The following SSTR5 variants were observed in gnomAD, a reference collection of about 807,000 sequenced individuals.
The protein encoded by SSTR5 is somatostatin receptor type 5.
In SSTR5, 1 loss-of-function variant was observed where a neutral mutation model predicts 0.3. The ratio of observed to expected loss-of-function variants is 2.98; its 90% CI spans 1.06 to 14.15. SSTR5 has a LOEUF of 14.15. Ranked by LOEUF, SSTR5 falls within the 30% of genes most tolerant of loss-of-function variation. The pLI, the probability that SSTR5 is intolerant of heterozygous loss-of-function variation, is 0.12. For synonymous variants in SSTR5, 256 were observed against 263.1 expected (o/e 0.97, Z 0.26); for missense variants, 516 against 543.2 (o/e 0.95, Z 0.50).
At position 1,078,983 on chromosome 16, in the gene SSTR5, C is replaced by A; in HGVS notation, c.115C>A (p.Arg39=). The A allele has an allele frequency of 6.3e-7, 1 of 1,590,072 alleles. No homozygotes were observed. The highest frequency in any genetic ancestry group is 8.5e-7 in the Non-Finnish European group (1 of 1,170,482). ...GGGGCCGGCGCCCTCGGCAGGGGCCCGGGCGGTGCTGGTGCCCGTGCTGTA... is the reference window on the plus strand; with the variant it reads ...GGGGCCGGCGCCCTCGGCAGGGGCCAGGGCGGTGCTGGTGCCCGTGCTGTA... ...LVGPAPSAGA[R]AVLVPVLYLL... Residue 39 remains arginine, a synonymous_variant, in exon 2 of 2, where the codon CGG becomes AGG. Transcript: ENST00000689027.
At position 1,078,922 on chromosome 16, in the gene SSTR5, G is replaced by T; in HGVS notation, c.54G>T (p.Gly18=). The T allele has an allele frequency of 6.2e-7, 1 of 1,603,348 alleles. No homozygotes were observed. The highest frequency in any genetic ancestry group is 1.8e-4 in the Middle Eastern group (1 of 5,634). The change falls in exon 2 of 2, where the codon GGG becomes GGT. Residue 18 remains glycine, a synonymous_variant. Coordinates refer to ENST00000689027, the MANE Select transcript of SSTR5 (RefSeq NM_001172560.3). ...STPSWNASSP[G]AASGGGDNRT... The stretch of plus-strand genomic sequence containing the variant: ...CCAGCTGGAACGCCTCCTCCCCGGG[G>T]GCTGCCTCTGGAGGCGGTGACAACA...
intron 1 of SSTR5, among the ~76,000 whole-genome samples, chr16:1,074,329 C>T (rs1960150321): frequency 6.6e-6 from 1 of 152,346 alleles, no homozygotes; most frequent in South Asian, 2.1e-4. Flanking sequence ...GGGCCCCGGC[C>T]GTGTGAGCCG....
Position 1,078,999 on chromosome 16 carries a change from C to T in SSTR5, c.131C>T (p.Pro44Leu). 2.5e-6 allele frequency: 4 copies of T among 1,596,268 alleles called. 1 individual carries two copies. Among genetic ancestry groups the T allele is most frequent in the Middle Eastern group, 1.7e-4 (1 of 6,008 alleles). ...PSAGARAVLV[P>L]VLYLLVCAAG... ...GCAGGGGCCCGGGCGGTGCTGGTGCCCGTGCTGTACCTGCTGGTGTGTGCG... is the reference window on the plus strand; with the variant it reads ...GCAGGGGCCCGGGCGGTGCTGGTGCTCGTGCTGTACCTGCTGGTGTGTGCG... The change falls in exon 2 of 2, where the codon CCC becomes CTC. Residue 44 changes from proline to leucine, a missense_variant. Transcript: ENST00000689027.
At chr16:1,075,138 G>C (rs1960167175) in intron 1 of SSTR5, among the ~76,000 whole-genome samples, 1 of 152,202 alleles carries the variant, frequency 6.6e-6, no homozygotes, top group Admixed American at 6.5e-5. Flanking sequence ...AGAGGATACT[G>C]CTTCCAAATA....
intron 1 of SSTR5, among the ~76,000 whole-genome samples, chr16:1,073,809 G>T (rs113519540): frequency 0.027 from 4,072 of 152,332 alleles, 75 homozygotes; most frequent in South Asian, 0.072. Flanking sequence ...ATGTAGGTGG[G>T]GACTGCCAGA....
At position 1,079,458 on chromosome 16, in the gene SSTR5, G is replaced by A. The variant is rs747864833; in HGVS notation, c.590G>A (p.Trp197Ter). 3 of 1,608,254 alleles carry A rather than the reference G, an allele frequency of 1.9e-6. No individual in the cohort carries two copies. Among genetic ancestry groups the A allele is most frequent in the Middle Eastern group, 1.6e-4 (1 of 6,066 alleles). The part of the protein sequence containing the change: ...NASWPEPVGL[W>*]GAVFIIYTAV... ...AGCTGGCCGGAGCCCGTGGGGCTGTGGGGCGCCGTCTTCATCATCTACACG... is the reference window on the plus strand; with the variant it reads ...AGCTGGCCGGAGCCCGTGGGGCTGTAGGGCGCCGTCTTCATCATCTACACG... Residue 197 changes from tryptophan (W) to a stop codon, truncating the protein, a stop_gained, in exon 2 of 2, where the codon TGG becomes TAG. Coordinates refer to ENST00000689027, the MANE Select transcript of SSTR5 (RefSeq NM_001172560.3). LOFTEE classifies it low-confidence loss of function (END_TRUNC).
rs2151559100 is a variant in SSTR5 at position 1,080,122 on chromosome 16, T to G, written c.*159T>G. The G allele has an allele frequency of 3.1e-6, 3 of 977,220 alleles. No homozygotes were observed. Among genetic ancestry groups the G allele is most frequent in the Non-Finnish European group, 4.5e-6 (3 of 673,700 alleles). 60.5% of individuals were successfully genotyped at this position (977,220 alleles called of 1,614,324 possible). On this transcript the variant is annotated 3_prime_UTR_variant, in exon 2 of 2. Transcript: ENST00000689027. ...GCTGGGGTAGACACAGGGCAGTAGG[T>G]TCCCCACCGTGACCGACCATCCCCT... is the stretch of plus-strand genomic sequence containing the variant.
At chr16:1,078,756 C>CG (rs1960269401) in intron 1 of SSTR5, 86 bp from the exon 2 acceptor site, 1 of 1,346,690 alleles carries the variant, frequency 7.4e-7, no homozygotes, top group South Asian at 1.3e-5. Flanking sequence ...TCCTGGCAGG[C>CG]GGGGCTGGGG....
intron 1 of SSTR5, among the ~76,000 whole-genome samples, chr16:1,074,174 T>C (rs961541286): frequency 6.6e-6 from 1 of 152,200 alleles, no homozygotes; most frequent in African/African-American, 2.4e-5. Flanking sequence ...TCAGAACGCT[T>C]GTCCTGGGAG....
At chr16:1,078,678 A>T in intron 1 of SSTR5, 164 bp from the exon 2 acceptor site, 1 of 697,306 alleles carries the variant, frequency 1.4e-6, no homozygotes, top group African/African-American at 1.8e-5. Flanking sequence ...TTTTCCAAAC[A>T]ATTTGCTTAA....
At chr16:1,075,863 CCT>C (rs1960182516) in intron 1 of SSTR5, among the ~76,000 whole-genome samples, 2 of 127,964 alleles carry the variant, frequency 1.6e-5, no homozygotes, top group African/African-American at 3.0e-5. Context: ...CCTCTCCCTC[CCT>C]CCCTCTCTCC....
rs1311135996 is a variant in SSTR5 at position 1,081,198 on chromosome 16, AAGG to A, written c.*1238_*1240del. On this transcript the variant is annotated 3_prime_UTR_variant, in exon 2 of 2. Coordinates refer to ENST00000689027, the MANE Select transcript of SSTR5 (RefSeq NM_001172560.3). ...CACCTTGGCCTTGCTCTGAGGCTGG[AAGG>A]AGAAGGACCAGGGTGCGGCATCACT... 21 of 461,246 alleles carry A rather than the reference AAGG, an allele frequency of 4.6e-5. No homozygotes were observed. Among genetic ancestry groups the A allele is most frequent in the African/African-American group, 3.8e-4 (19 of 49,518 alleles). The allele number at this position is 461,246 out of a possible 1,614,324, so 28.6% of individuals were successfully genotyped here.
Position 1,074,016 on chromosome 16 carries a change from G to A in SSTR5, c.-28+1194G>A, listed in dbSNP as rs1465918820. Among the ~76,000 whole-genome samples the A allele has an allele frequency of 2.6e-5, 4 of 152,230 alleles. No individual in the cohort carries two copies. In the South Asian group the frequency reaches 8.3e-4, roughly 32 times the overall value. Reference sequence around the variant, plus strand: ...GCCTCAGTTTCCCTCTCCTGGGGAGGGTATGTGCCCCTGGCCACAGGCTGC... The same window carrying A: ...GCCTCAGTTTCCCTCTCCTGGGGAGAGTATGTGCCCCTGGCCACAGGCTGC... On this transcript the variant is annotated intron_variant, in intron 1 of 1. Transcript: ENST00000689027.
intron 1 of SSTR5, among the ~76,000 whole-genome samples, chr16:1,076,589 C>G (rs963595994): frequency 1.3e-5 from 2 of 151,872 alleles, no homozygotes; most frequent in Non-Finnish European, 2.9e-5. Flanking sequence ...TGCTCTCCCC[C>G]TGCCCACCCC....
chr16:1,079,322 C>T lies in SSTR5; in HGVS notation c.454C>T (p.Arg152Cys), dbSNP rs748389375. Reference sequence around the variant, plus strand: ...CCCGCTGAGCTCGGCCCGCTGGCGCCGCCCGCGTGTGGCCAAGCTGGCGAG... The same window carrying T: ...CCCGCTGAGCTCGGCCCGCTGGCGCTGCCCGCGTGTGGCCAAGCTGGCGAG... ...VHPLSSARWR[R>C]PRVAKLASAA... is the part of the protein sequence containing the mutation. The change falls in exon 2 of 2, where the codon CGC becomes TGC. Residue 152 changes from arginine to cysteine, a missense_variant. Transcript: ENST00000689027. The T allele has an allele frequency of 5.6e-6, 9 of 1,607,854 alleles. No homozygotes were observed. The highest frequency in any genetic ancestry group is 4.5e-5 in the East Asian group (2 of 44,728).
In SSTR5 at chr16:1,079,303, G is replaced by A. The variant is rs1170925063; in HGVS notation, c.435G>A (p.Leu145=). The A allele has an allele frequency of 6.2e-7, 1 of 1,610,434 alleles. No individual in the cohort carries two copies. The highest frequency in any genetic ancestry group is 1.1e-5 in the South Asian group (1 of 91,044). The part of the protein sequence containing the change: ...VDRYLAVVHP[L]SSARWRRPRV... The stretch of plus-strand genomic sequence containing the variant: ...GCTACCTGGCAGTGGTGCACCCGCT[G>A]AGCTCGGCCCGCTGGCGCCGCCCGC... Residue 145 remains leucine (L), a synonymous_variant, in exon 2 of 2, where the codon CTG becomes CTA. Coordinates refer to ENST00000689027, the MANE Select transcript of SSTR5 (RefSeq NM_001172560.3).
Position 1,079,622 on chromosome 16 carries a change from G to GA in SSTR5, c.754_755insA (p.Val252AspfsTer58). On this transcript the variant is annotated frameshift_variant, in exon 2 of 2. Coordinates refer to ENST00000689027, the MANE Select transcript of SSTR5 (RefSeq NM_001172560.3). LOFTEE classifies it low-confidence loss of function (END_TRUNC). ...GCGGAAGGTGACGCGCATGGTGTTGGTGGTGGTGCTGGTGTTTGCGGGATG... is the reference window on the plus strand; with the variant it reads ...GCGGAAGGTGACGCGCATGGTGTTGGATGGTGGTGCTGGTGTTTGCGGGATG... The GA allele has an allele frequency of 6.2e-7, 1 of 1,612,278 alleles. No homozygotes were observed. The highest frequency in any genetic ancestry group is 8.5e-7 in the Non-Finnish European group (1 of 1,179,350).
At position 1,079,976 on chromosome 16, in the gene SSTR5, G is replaced by C. The variant is rs772265057; in HGVS notation, c.*13G>C. On this transcript the variant is annotated 3_prime_UTR_variant, in exon 2 of 2. Coordinates refer to ENST00000689027, the MANE Select transcript of SSTR5 (RefSeq NM_001172560.3). ...CAGCAAGCTGTGAGAGTGCAGGCGG[G>C]GGGTGGGCGGCCCCGTGTCACCCCC... The C allele has an allele frequency of 6.3e-6, 10 of 1,585,028 alleles. No homozygotes were observed. The highest frequency in any genetic ancestry group is 2.7e-5 in the African/African-American group (2 of 74,478).
intron 1 of SSTR5, among the ~76,000 whole-genome samples, chr16:1,076,967 T>A (rs1488312543): frequency 6.6e-6 from 1 of 152,214 alleles, no homozygotes; most frequent in Non-Finnish European, 1.5e-5. Flanking sequence ...TGAGTCGTAT[T>A]TCTTAGTGTG....
Sources: gnomAD v4.1 joint callset for allele counts (sites outside exome capture counted in the v4.1 genomes callset) on GRCh38, gnomAD v4.1.1 for gene constraint, MANE v1.5 for transcripts, NCBI Gene and HGNC (gene_info 2026-07-23, HGNC 2026-07-21) for gene names.